ABCA4: variants seen among roughly 807,000 people sequenced by gnomAD.
ABCA4 encodes the protein retinal-specific phospholipid-transporting ATPase ABCA4.
A neutral mutation model predicts 263.7 loss-of-function variants in ABCA4; 196 were observed. That is an observed-to-expected ratio of 0.74 (90% CI 0.66 to 0.84). The LOEUF is 0.84. Ranked by LOEUF, ABCA4 falls within the 40% of genes least tolerant of loss-of-function variation. The pLI is 0.00. For missense variants in ABCA4, 2,792 were observed against 2,855.1 expected (o/e 0.98, Z 0.50); for synonymous variants, 1,133 against 1,094.2 (o/e 1.04, Z -0.70).
At chr1:94,041,546 G>A in intron 22 of ABCA4, 144 bp from the exon 23 acceptor site, 2 of 787,158 alleles carry the variant, frequency 2.5e-6, no homozygotes, top group Non-Finnish European at 2.1e-6. Context: ...TAATTCAGCA[G>A]CAAATTCCAG....
At chr1:94,030,309 G>T in intron 29 of ABCA4, 119 bp downstream of exon 29, 1 of 861,212 alleles carries the variant, frequency 1.2e-6, no homozygotes. Flanking sequence ...TCAGAGACAT[G>T]GAAGTGACCA....
chr1:93,993,383 C>G, intron 49 of ABCA4, 141 bp from the exon 50 acceptor site: 1 of 1,051,522 alleles, frequency 9.5e-7, no homozygotes, highest in Non-Finnish European at 1.4e-6. Flanking sequence ...GTCAGATCAC[C>G]CAGGTTATGG....
intron 16 of ABCA4, among the ~76,000 whole-genome samples, chr1:94,054,527 T>C (rs934052160): frequency 6.6e-6 from 1 of 152,022 alleles, no homozygotes; most frequent in African/African-American, 2.4e-5. Context: ...GAGGGGCGGG[T>C]TGCAGGTTGT....
chr1:93,996,218 A>G, intron 48 of ABCA4, 23 bp from the exon 49 acceptor site: 2 of 1,574,218 alleles, frequency 1.3e-6, no homozygotes, highest in African/African-American at 1.4e-5. Flanking sequence ...GAAGAGCGAG[A>G]TTAGGTAGAT....
rs56031604 is a variant in ABCA4 at position 94,020,044 on chromosome 1, T to C, written c.5019-285A>G. Among the ~76,000 whole-genome samples the C allele has an allele frequency of 0.14, 22,002 of 152,278 alleles. 1,673 individuals are homozygous for C. Among genetic ancestry groups the C allele is most frequent in the Middle Eastern group, 0.22 (64 of 294 alleles). On this transcript the variant is annotated intron_variant, in intron 35 of 49. Transcript: ENST00000370225. ...TATTTTTATGGTGTATAGAAATAGA[T>C]GTTTATATTAATCTTATGTACTGCA...
At chr1:94,100,579 G>C (rs973355860) in intron 5 of ABCA4, among the ~76,000 whole-genome samples, 2 of 152,182 alleles carry the variant, frequency 1.3e-5, no homozygotes, top group Non-Finnish European at 2.9e-5. Context: ...TTTCACTGAG[G>C]AGGCAACATC....
In ABCA4 at chr1:94,021,630, G is replaced by T; in HGVS notation, c.4848+10C>A. 1 of 1,607,412 alleles carries T rather than the reference G, an allele frequency of 6.2e-7. No individual in the cohort carries two copies. Among genetic ancestry groups the T allele is most frequent in the Non-Finnish European group, 8.5e-7 (1 of 1,175,358 alleles). On this transcript the variant is annotated intron_variant, in intron 34 of 49. Coordinates refer to ENST00000370225, the MANE Select transcript of ABCA4 (RefSeq NM_000350.3). ...TTAGCTCCAGAGCAGATTATACATA[G>T]GTCAAGTACCTTAATGTTGTCTTCA...
chr1:93,998,749 T>G lies in ABCA4; in HGVS notation c.6480-639A>C, dbSNP rs184583711. On this transcript the variant is annotated intron_variant, in intron 47 of 49. Transcript: ENST00000370225. ...TTTATTTTATTTTATTTTATTTTAT[T>G]TTATTTTATTTGAGACAGTCTCACC... 4.1e-3 allele frequency among the ~76,000 whole-genome samples: 619 copies of G among 150,918 alleles called. 7 individuals carry two copies. Among genetic ancestry groups the G allele is most frequent in the African/African-American group, 0.014 (584 of 40,916 alleles).
At chr1:94,101,002 C>A (rs1662271494) in intron 5 of ABCA4, among the ~76,000 whole-genome samples, 2 of 152,212 alleles carry the variant, frequency 1.3e-5, no homozygotes, top group South Asian at 4.1e-4. Flanking sequence ...CTGGAACGTG[C>A]CTCTGCGAAG....
chr1:94,025,567 C>A (rs1660018850), intron 30 of ABCA4: 1 of 169,186 alleles, frequency 5.9e-6, no homozygotes, highest in Non-Finnish European at 1.3e-5. Flanking sequence ...GCTCACCTGC[C>A]ACACTCCCCT....
Position 94,041,590 on chromosome 1 carries a change from C to G in ABCA4, c.3329-188G>C, listed in dbSNP as rs151119303. Among the ~76,000 whole-genome samples the G allele has an allele frequency of 6.3e-3, 957 of 152,230 alleles. 14 individuals are homozygous for G. The highest frequency in any genetic ancestry group is 0.022 in the African/African-American group (929 of 41,540). On this transcript the variant is annotated intron_variant, in intron 22 of 49. Coordinates refer to ENST00000370225, the MANE Select transcript of ABCA4 (RefSeq NM_000350.3). ...GACAATAATAACTAACATTTCATAG[C>G]TTCCTACATACTGTAAAGCATTGCC...
chr1:94,071,420 A>G (rs892903064), intron 11 of ABCA4, among the ~76,000 whole-genome samples: 2 of 152,216 alleles, frequency 1.3e-5, no homozygotes, highest in South Asian at 4.1e-4. Context: ...TATATAATTT[A>G]TCCAGAGAAT....
chr1:94,112,600 C>A (rs1330046509), intron 2 of ABCA4, among the ~76,000 whole-genome samples: 1 of 152,064 alleles, frequency 6.6e-6, no homozygotes, highest in Non-Finnish European at 1.5e-5. Flanking sequence ...GAGTTCAAGA[C>A]CAGCCCGGGC....
At chr1:94,071,512 T>C (rs900674231) in intron 11 of ABCA4, among the ~76,000 whole-genome samples, 1 of 152,244 alleles carries the variant, frequency 6.6e-6, no homozygotes, top group South Asian at 2.1e-4. Flanking sequence ...CTCTGGATTA[T>C]AATTCCAGAT....
intron 16 of ABCA4, among the ~76,000 whole-genome samples, chr1:94,053,206 G>A (rs544320555): frequency 6.6e-6 from 1 of 152,308 alleles, no homozygotes; most frequent in South Asian, 2.1e-4. Context: ...TTAAAGCTGT[G>A]ATTGTAAGTA....
chr1:94,057,224 G>A (rs1661007985), intron 14 of ABCA4, among the ~76,000 whole-genome samples: 3 of 152,120 alleles, frequency 2.0e-5, no homozygotes, highest in Non-Finnish European at 4.4e-5. Context: ...CCCTCAGTGG[G>A]GCCCTGAACC....
At chr1:94,005,772 A>G (rs925367751) in intron 43 of ABCA4, among the ~76,000 whole-genome samples, 190 bp from the exon 44 acceptor site, 18 of 152,220 alleles carry the variant, frequency 1.2e-4, no homozygotes, top group African/African-American at 4.3e-4. Flanking sequence ...GAATCCTGTC[A>G]GATTCTTCCA....
chr1:94,000,100 T>C (rs1659131798), intron 47 of ABCA4, among the ~76,000 whole-genome samples: 1 of 152,232 alleles, frequency 6.6e-6, no homozygotes, highest in Admixed American at 6.5e-5. Context: ...ATAGATAAGG[T>C]GGGTTATGTG....
intron 4 of ABCA4, among the ~76,000 whole-genome samples, chr1:94,107,554 G>A (rs536874198): frequency 6.6e-6 from 1 of 152,292 alleles, no homozygotes; most frequent in African/African-American, 2.4e-5. Context: ...CTCCTGGGGA[G>A]GAGAGACACA....
Sources: allele counts gnomAD v4.1 joint callset (sites outside exome capture counted in the v4.1 genomes callset), GRCh38; gene constraint gnomAD v4.1.1; transcripts MANE v1.5; gene names NCBI Gene and HGNC (gene_info 2026-07-23, HGNC 2026-07-21).